AGPAT4: variants seen among roughly 807,000 people sequenced by gnomAD.
AGPAT4 encodes 1-acylglycerol-3-phosphate O-acyltransferase 4.
A neutral mutation model predicts 48.0 loss-of-function variants in AGPAT4; 15 were observed. That is an observed-to-expected ratio of 0.31 (90% CI 0.21 to 0.48). AGPAT4 has a LOEUF of 0.48. Ranked by LOEUF, AGPAT4 falls within the 20% of genes least tolerant of loss-of-function variation. The pLI, the probability that AGPAT4 is intolerant of heterozygous loss-of-function variation, is 0.99. For synonymous variants in AGPAT4, 178 were observed against 198.7 expected, an observed-to-expected ratio of 0.90 and a Z score of 0.88; for missense variants, 314 against 482.5, an observed-to-expected ratio of 0.65 and a Z score of 3.27.
At position 161,155,835 on chromosome 6, in the gene AGPAT4, A is replaced by G. The variant is rs1439056465; in HGVS notation, c.349-1525T>C. Reference sequence around the variant, plus strand: ...TTATATTTACCTGAACTCATTCCAAACATGCAGTCATTTGAAGGAGCTATA... The same window carrying G: ...TTATATTTACCTGAACTCATTCCAAGCATGCAGTCATTTGAAGGAGCTATA... On this transcript the variant is annotated intron_variant, in intron 3 of 8. Transcript: ENST00000320285. The surrounding 1 kb of genome is among the most constrained non-coding windows in gnomAD (Gnocchi z 5.8). Among the ~76,000 whole-genome samples the G allele has an allele frequency of 6.6e-6, 1 of 152,202 alleles. No homozygotes were observed. Among genetic ancestry groups the G allele is most frequent in the Non-Finnish European group, 1.5e-5 (1 of 68,036 alleles).
In AGPAT4 at chr6:161,245,499, T is replaced by G. The variant is rs1782622965; in HGVS notation, c.-89-13197A>C. Among the ~76,000 whole-genome samples, 2 of 151,672 alleles carry G rather than the reference T, an allele frequency of 1.3e-5. No homozygotes were observed. The highest frequency in any genetic ancestry group is 4.2e-4 in the South Asian group (2 of 4,774). Reference sequence around the variant, plus strand: ...AGCACCCTAGAGGGATCGCCAGGAGTAGAGCTCAGAGGAAGCACTCTGCTG... The same window carrying G: ...AGCACCCTAGAGGGATCGCCAGGAGGAGAGCTCAGAGGAAGCACTCTGCTG... On this transcript the variant is annotated intron_variant, in intron 1 of 8. Coordinates refer to ENST00000320285, the MANE Select transcript of AGPAT4 (RefSeq NM_020133.3). The surrounding 1 kb of genome is among the most constrained non-coding windows in gnomAD (Gnocchi z 5.2).
At chr6:161,167,180 C>T (rs566654170) in intron 2 of AGPAT4, among the ~76,000 whole-genome samples, 5 of 152,104 alleles carry the variant, frequency 3.3e-5, no homozygotes, top group South Asian at 4.2e-4. Context: ...TTGAAGTTGA[C>T]GGTGTTCAGT....
rs1268715386 is a variant in AGPAT4, at chr6:161,132,646, T to C, written c.*3894A>G. The C allele has an allele frequency of 6.6e-6, 1 of 152,278 alleles. No homozygotes were observed. The highest frequency in any genetic ancestry group is 1.5e-5 in the Non-Finnish European group (1 of 68,068). 9.4% of individuals were successfully genotyped at this position (152,278 alleles called of 1,614,324 possible). A position where few individuals can be genotyped will look rare whatever the true frequency, so the allele number is the denominator to read the frequency against. On this transcript the variant is annotated 3_prime_UTR_variant, in exon 9 of 9. Coordinates refer to ENST00000320285, the MANE Select transcript of AGPAT4 (RefSeq NM_020133.3). Reference sequence around the variant, plus strand: ...AAAGCATGGTGGAGTCCGAAAGCATTGGCAAAGCCAGCACATCTGTGAGCA... The same window carrying C: ...AAAGCATGGTGGAGTCCGAAAGCATCGGCAAAGCCAGCACATCTGTGAGCA...
chr6:161,156,029 T>C (rs533490629), intron 3 of AGPAT4, among the ~76,000 whole-genome samples: 9 of 152,306 alleles, frequency 5.9e-5, no homozygotes, highest in African/African-American at 2.2e-4. Flanking sequence ...TAGTGGGTCC[T>C]AGTGGTTGGC....
In AGPAT4 at chr6:161,155,447, G is replaced by A. The variant is rs775066283; in HGVS notation, c.349-1137C>T. Reference sequence around the variant, plus strand: ...CACAGCCCTCTCTCCTCTCCTCCCCGTTACACCCATGCCTCTCCGCAGCTC... The same window carrying A: ...CACAGCCCTCTCTCCTCTCCTCCCCATTACACCCATGCCTCTCCGCAGCTC... On this transcript the variant is annotated intron_variant, in intron 3 of 8. Transcript: ENST00000320285. This position sits in a 1 kb window ranked among gnomAD's most constrained non-coding sequence, Gnocchi z 5.8. 4.6e-5 allele frequency among the ~76,000 whole-genome samples: 7 copies of A among 151,960 alleles called. No individual in the cohort carries two copies. Among genetic ancestry groups the A allele is most frequent in the African/African-American group, 1.2e-4 (5 of 41,358 alleles).
Position 161,267,151 on chromosome 6 carries a change from T to C in AGPAT4, c.-90+6787A>G, listed in dbSNP as rs561938852. On this transcript the variant is annotated intron_variant, in intron 1 of 8. Transcript: ENST00000320285. The surrounding 1 kb of genome is among the most constrained non-coding windows in gnomAD (Gnocchi z 5.2). Reference sequence around the variant, plus strand: ...GGTTACACATTGGTTTTGAGAAGAGTTCATCTTTAATTTAATGTATGTACT... The same window carrying C: ...GGTTACACATTGGTTTTGAGAAGAGCTCATCTTTAATTTAATGTATGTACT... Among the ~76,000 whole-genome samples, 28 of 152,234 alleles carry C rather than the reference T, an allele frequency of 1.8e-4. No homozygotes were observed. Among genetic ancestry groups the C allele is most frequent in the Admixed American group, 1.8e-3 (27 of 15,292 alleles).
chr6:161,207,606 A>T (rs763825255), intron 2 of AGPAT4, among the ~76,000 whole-genome samples: 5 of 152,236 alleles, frequency 3.3e-5, no homozygotes, highest in African/African-American at 4.8e-5. Flanking sequence ...ACTTCCAGTG[A>T]ATGGGGACCT....
At position 161,130,619 on chromosome 6, in the gene AGPAT4, ATC is replaced by A. The variant is rs1778869355; in HGVS notation, c.*5919_*5920del. 1.1e-5 allele frequency: 3 copies of A among 261,174 alleles called. No individual in the cohort carries two copies. The highest frequency in any genetic ancestry group is 4.4e-5 in the South Asian group (1 of 22,666). 16.2% of individuals were successfully genotyped at this position (261,174 alleles called of 1,614,324 possible). ...GTGTTCCACCCTTGCCCATGGTTAGATCTCTTTCCTTGATAGAACAAGCAAAA... is the reference window on the plus strand; with the variant it reads ...GTGTTCCACCCTTGCCCATGGTTAGATCTTTCCTTGATAGAACAAGCAAAA... On this transcript the variant is annotated 3_prime_UTR_variant, in exon 9 of 9. Coordinates refer to ENST00000320285, the MANE Select transcript of AGPAT4 (RefSeq NM_020133.3).
rs1279375719 is a variant in AGPAT4 at position 161,177,623 on chromosome 6, C to T, written c.179-11206G>A. Among the ~76,000 whole-genome samples, 4 of 152,024 alleles carry T rather than the reference C, an allele frequency of 2.6e-5. No homozygotes were observed. The South Asian group carries it at 6.2e-4, about 24-fold the overall frequency. On this transcript the variant is annotated intron_variant, in intron 2 of 8. Coordinates refer to ENST00000320285, the MANE Select transcript of AGPAT4 (RefSeq NM_020133.3). This position sits in a 1 kb window ranked among gnomAD's most constrained non-coding sequence, Gnocchi z 5.0. The stretch of plus-strand genomic sequence containing the variant: ...TTTAGCTCGGAGAAGTTTGTTATTA[C>T]TGATCGTCTGAAGCCTTCTTTTCTC...
Position 161,195,283 on chromosome 6 carries a change from A to G in AGPAT4, c.179-28866T>C, listed in dbSNP as rs1343511995. Among the ~76,000 whole-genome samples the G allele has an allele frequency of 6.6e-6, 1 of 152,228 alleles. No individual in the cohort carries two copies. Among genetic ancestry groups the G allele is most frequent in the Non-Finnish European group, 1.5e-5 (1 of 68,042 alleles). On this transcript the variant is annotated intron_variant, in intron 2 of 8. Coordinates refer to ENST00000320285, the MANE Select transcript of AGPAT4 (RefSeq NM_020133.3). This position sits in a 1 kb window ranked among gnomAD's most constrained non-coding sequence, Gnocchi z 5.0. ...GCACCTATTTTCAGGGTAAGAGTCC[A>G]GCTTTCCCTTTCCAGTGGCAGTCTT...
chr6:161,152,217 G>A (rs879836890), intron 5 of AGPAT4, among the ~76,000 whole-genome samples: 2 of 152,200 alleles, frequency 1.3e-5, no homozygotes, highest in East Asian at 1.9e-4. Context: ...CAGGAGAAGA[G>A]GGATGAGGAA....
chr6:161,183,816 G>T (rs1041859128), intron 2 of AGPAT4, among the ~76,000 whole-genome samples: 1 of 151,354 alleles, frequency 6.6e-6, no homozygotes, highest in African/African-American at 2.4e-5. Flanking sequence ...GAAGAGACCT[G>T]AGAGAGAGGG....
intron 3 of AGPAT4, among the ~76,000 whole-genome samples, chr6:161,163,627 C>T (rs984393105): frequency 6.6e-6 from 1 of 152,320 alleles, no homozygotes. Flanking sequence ...CAGCCAGTGC[C>T]TGCCATGTGC....
chr6:161,160,666 T>G (rs1330378371), intron 3 of AGPAT4: 1 of 308,238 alleles, frequency 3.2e-6, no homozygotes. Context: ...TGATCACTAC[T>G]GGCTCTGCTT....
Position 161,147,509 on chromosome 6 carries a change from T to C in AGPAT4, c.768-910A>G, listed in dbSNP as rs1779465275. ...ATCTTAGTAAGAAGATTTGAGAGTT[T>C]ATCTATCACACTAGAGTCTGTTAAG... On this transcript the variant is annotated intron_variant, in intron 6 of 8. Transcript: ENST00000320285. The surrounding 1 kb of genome is among the most constrained non-coding windows in gnomAD (Gnocchi z 4.8). Among the ~76,000 whole-genome samples, 1 of 152,138 alleles carries C rather than the reference T, an allele frequency of 6.6e-6. No individual in the cohort carries two copies. Among genetic ancestry groups the C allele is most frequent in the East Asian group, 1.9e-4 (1 of 5,202 alleles).
At position 161,223,461 on chromosome 6, in the gene AGPAT4, A is replaced by G. The variant is rs888741352; in HGVS notation, c.178+8575T>C. On this transcript the variant is annotated intron_variant, in intron 2 of 8. Transcript: ENST00000320285. This position sits in a 1 kb window ranked among gnomAD's most constrained non-coding sequence, Gnocchi z 6.3. Reference sequence around the variant, plus strand: ...CTCTCTGTTCGGCCTTAGGCAAGTCATCCAACCTCTCGCCTCATTTAACAG... The same window carrying G: ...CTCTCTGTTCGGCCTTAGGCAAGTCGTCCAACCTCTCGCCTCATTTAACAG... Among the ~76,000 whole-genome samples the G allele has an allele frequency of 1.3e-5, 2 of 152,212 alleles. No homozygotes were observed. Among genetic ancestry groups the G allele is most frequent in the African/African-American group, 4.8e-5 (2 of 41,456 alleles).
In AGPAT4 at chr6:161,171,713, C is replaced by T. The variant is rs955214051; in HGVS notation, c.179-5296G>A. Among the ~76,000 whole-genome samples, 3 of 150,986 alleles carry T rather than the reference C, an allele frequency of 2.0e-5. No individual in the cohort carries two copies. Among genetic ancestry groups the T allele is most frequent in the Non-Finnish European group, 2.9e-5 (2 of 67,850 alleles). Reference sequence around the variant, plus strand: ...GACCATCCTGGCTAACACAGTGAAACCCTGTCTCTACTAAAAATACAAAAA... The same window carrying T: ...GACCATCCTGGCTAACACAGTGAAATCCTGTCTCTACTAAAAATACAAAAA... On this transcript the variant is annotated intron_variant, in intron 2 of 8. Transcript: ENST00000320285. The surrounding 1 kb of genome is among the most constrained non-coding windows in gnomAD (Gnocchi z 4.4).
At chr6:161,228,973 C>A (rs149764620) in intron 2 of AGPAT4, among the ~76,000 whole-genome samples, 1 of 152,076 alleles carries the variant, frequency 6.6e-6, no homozygotes, top group African/African-American at 2.4e-5. Flanking sequence ...GAATAAAATT[C>A]TCTGCTCAGT....
In AGPAT4 at chr6:161,139,431, A is replaced by C. The variant is rs1450002247; in HGVS notation, c.1033T>G (p.Phe345Val). Reference sequence around the variant, plus strand: ...CTTGCCCTCCACTCACCCACAAAGAAGACGAGGATGAAGCTGGCCAGCGTC... The same window carrying C: ...CTTGCCCTCCACTCACCCACAAAGACGACGAGGATGAAGCTGGCCAGCGTC... ...SLTLASFILV[F>V]FVASVGVRWM... The change falls in exon 8 of 9, where the codon TTC becomes GTC. Residue 345 changes from phenylalanine to valine, a missense_variant. Transcript: ENST00000320285. The surrounding 1 kb of genome is among the most constrained non-coding windows in gnomAD (Gnocchi z 9.1). 1.4e-5 allele frequency: 22 copies of C among 1,613,822 alleles called. No individual in the cohort carries two copies. The highest frequency in any genetic ancestry group is 5.3e-5 in the African/African-American group (4 of 74,930).
Sources: allele counts gnomAD v4.1 joint callset (sites outside exome capture counted in the v4.1 genomes callset), GRCh38; gene constraint gnomAD v4.1.1; non-coding constraint Gnocchi (gnomAD v3.1); transcripts MANE v1.5; gene names NCBI Gene and HGNC (gene_info 2026-07-23, HGNC 2026-07-21).